Variants in DHX8 observed in about 807,000 individuals in gnomAD.
DHX8 encodes ATP-dependent RNA helicase DHX8.
In DHX8, 67 loss-of-function variants were observed where a neutral mutation model predicts 140.7. The ratio of observed to expected loss-of-function variants is 0.48; its 90% CI spans 0.39 to 0.58. DHX8 has a LOEUF of 0.58. DHX8 is among the 20% of genes least tolerant of loss of function. The pLI is 0.00. For missense variants in DHX8, 887 were observed against 1,550.7 expected (o/e 0.57, Z 7.19); for synonymous variants, 533 against 553.2 (o/e 0.96, Z 0.51).
downstream of DHX8, chr17:43,529,935 G>A (rs983237636): frequency 6.2e-7 from 1 of 1,614,042 alleles, no homozygotes; most frequent in African/African-American, 1.3e-5. Flanking sequence ...GGTCGCAGAG[G>A]TTTCTCATAG....
downstream of DHX8, chr17:43,526,594 GTT>G (rs1567702403): frequency 6.5e-7 from 1 of 1,535,656 alleles, no homozygotes; most frequent in South Asian, 1.2e-5. Flanking sequence ...CTGGTGACTT[GTT>G]AATGAACAGT....
At chr17:43,529,462 TA>T, downstream of DHX8, 1 of 1,576,268 alleles carries the variant, frequency 6.3e-7, no homozygotes, top group Non-Finnish European at 8.6e-7. Context: ...CTCCAGGCTG[TA>T]AACTTTGGAA....
In DHX8 at chr17:43,492,721, C is replaced by T. The variant is rs1968600559; in HGVS notation, c.544C>T (p.Arg182Ter). The T allele has an allele frequency of 1.1e-5, 17 of 1,610,202 alleles. No individual in the cohort carries two copies. The highest frequency in any genetic ancestry group is 1.4e-5 in the Non-Finnish European group (16 of 1,176,662). Residue 182 changes from arginine to a stop codon, truncating the protein, a stop_gained, in exon 6 of 23, where the codon CGA (arginine) becomes TGA (stop). Transcript: ENST00000262415. LOFTEE classifies it high-confidence loss of function. Reference sequence around the variant, plus strand: ...GAAGAAGCGGAGTCGAAGCCGAGATCGAAACCGAGATCGAGACAGAGATAG... The same window carrying T: ...GAAGAAGCGGAGTCGAAGCCGAGATTGAAACCGAGATCGAGACAGAGATAG... Reference protein sequence around the residue: ...KKKKRSRSRDRNRDRDRDRER... With the variant: ...KKKKRSRSRD
At chr17:43,541,017 C>T (rs1567714958) in intron 3 of DHX8, among the ~76,000 whole-genome samples, 1 of 152,110 alleles carries the variant, frequency 6.6e-6, no homozygotes, top group Non-Finnish European at 1.5e-5. Context: ...TCAGCATCAT[C>T]TTGCCTTTCT....
chr17:43,491,380 A>C (rs1008278878), intron 4 of DHX8, 130 bp downstream of exon 4: 3 of 466,018 alleles, frequency 6.4e-6, no homozygotes, highest in African/African-American at 6.0e-5. Context: ...AAAGTGTTTG[A>C]TCACTCCCTG....
chr17:43,534,466 C>T (rs1971130540), intron 2 of DHX8, among the ~76,000 whole-genome samples: 1 of 152,114 alleles, frequency 6.6e-6, no homozygotes, highest in African/African-American at 2.4e-5. Flanking sequence ...TGCACTCCAG[C>T]CTGGGTGACA....
In DHX8 at chr17:43,522,113, G is replaced by T. The variant is rs776641288; in HGVS notation, c.3330G>T (p.Gly1110=). The change falls in exon 22 of 23, where the codon GGG becomes GGT. Residue 1110 remains glycine, a synonymous_variant. Transcript: ENST00000262415. ...TVRVQKAICS[G]FFRNAAKKDP... Reference sequence around the variant, plus strand: ...GAGTGCAGAAGGCCATCTGCAGTGGGTTCTTCCGTAATGCTGCCAAGAAAG... The same window carrying T: ...GAGTGCAGAAGGCCATCTGCAGTGGTTTCTTCCGTAATGCTGCCAAGAAAG... 1 of 1,614,134 alleles carries T rather than the reference G, an allele frequency of 6.2e-7. No individual in the cohort carries two copies. Among genetic ancestry groups the T allele is most frequent in the Admixed American group, 1.7e-5 (1 of 60,008 alleles).
rs1359023439 is a variant in DHX8 at position 43,492,700 on chromosome 17, A to G, written c.523A>G (p.Lys175Glu). The G allele has an allele frequency of 1.3e-6, 2 of 1,574,832 alleles. No homozygotes were observed. The highest frequency in any genetic ancestry group is 2.7e-5 in the African/African-American group (2 of 74,218). ...TGTTAGGGACAGGACAAAGAAGAAG[A>G]AGCGGAGTCGAAGCCGAGATCGAAA... ...AEHRDRTKKK[K>E]RSRSRDRNRD... Residue 175 changes from lysine (K) to glutamate (E), a missense_variant, in exon 6 of 23, where the codon AAG becomes GAG. By Grantham distance (56) the Lys-to-Glu change is moderately conservative. Transcript: ENST00000262415.
chr17:43,533,298 G>A, intron 2 of DHX8: 1 of 1,613,910 alleles, frequency 6.2e-7, no homozygotes, highest in Non-Finnish European at 8.5e-7. Context: ...CTGTCCAAGG[G>A]CACCAGGGGC....
intron 3 of DHX8, 72 bp downstream of exon 3, chr17:43,490,535 G>C: frequency 7.7e-7 from 1 of 1,296,058 alleles, no homozygotes; most frequent in Non-Finnish European, 1.1e-6. Flanking sequence ...AATTGCATTT[G>C]TTTTCCTCTC....
chr17:43,543,498 C>T (rs1971634890), intron 3 of DHX8, among the ~76,000 whole-genome samples: 1 of 152,120 alleles, frequency 6.6e-6, no homozygotes. Flanking sequence ...GCCCTAGGAG[C>T]TGCCCACTGT....
At chr17:43,489,152 C>T (rs1013473513) in intron 1 of DHX8, among the ~76,000 whole-genome samples, 10 of 152,142 alleles carry the variant, frequency 6.6e-5, no homozygotes, top group Middle Eastern at 3.4e-3. Context: ...TTACAGGTGC[C>T]TGCCACCACA....
chr17:43,529,078 T>C, downstream of DHX8: 1 of 1,526,210 alleles, frequency 6.6e-7, no homozygotes, highest in Non-Finnish European at 9.1e-7. Flanking sequence ...CTCTCCCCAG[T>C]CAGCTTCTCA....
In DHX8 at chr17:43,508,577, C is replaced by T; in HGVS notation, c.2502+57C>T. 2 of 1,266,702 alleles carry T rather than the reference C, an allele frequency of 1.6e-6. 1 individual carries two copies. The highest frequency in any genetic ancestry group is 2.7e-5 in the South Asian group (2 of 74,776). 78.5% of individuals were successfully genotyped at this position (1,266,702 alleles called of 1,614,324 possible). ...CCCTGAAACCATGTGTTGTGTGCAG[C>T]CTGTCAGCCATAGTAGGGATTGCTT... On this transcript the variant is annotated intron_variant, in intron 16 of 22. Coordinates refer to ENST00000262415, the MANE Select transcript of DHX8 (RefSeq NM_004941.3).
intron 1 of DHX8, among the ~76,000 whole-genome samples, chr17:43,485,591 A>G (rs1968091338): frequency 6.6e-6 from 1 of 151,956 alleles, no homozygotes; most frequent in Admixed American, 6.6e-5. Context: ...TATTCAGCAA[A>G]TATTGAGCTG....
rs1264581076 is a variant in DHX8 at position 43,492,790 on chromosome 17, C to T, written c.613C>T (p.Arg205Cys). Residue 205 changes from arginine to cysteine, a missense_variant, in exon 6 of 23, where the codon CGC becomes TGC. Arg to Cys is a radical substitution (Grantham distance 180, BLOSUM62 -3). Transcript: ENST00000262415. ...AGACCACAAGCGGAGACACCGATCC[C>T]GCTCTCGATCACGTTCCAGGACCCG... ...DRDHKRRHRS[R>C]SRSRSRTRER... 32 of 1,613,980 alleles carry T rather than the reference C, an allele frequency of 2.0e-5. No individual in the cohort carries two copies. Among genetic ancestry groups the T allele is most frequent in the East Asian group, 6.7e-5 (3 of 44,896 alleles).
At chr17:43,491,894 G>A (rs574249931) in intron 4 of DHX8, among the ~76,000 whole-genome samples, 29 of 152,266 alleles carry the variant, frequency 1.9e-4, no homozygotes, top group African/African-American at 7.0e-4. Context: ...TTTAACACCT[G>A]TTTTCTATTA....
chr17:43,493,270 A>C (rs140913121), intron 6 of DHX8, among the ~76,000 whole-genome samples, 175 bp from the exon 7 acceptor site: 1 of 152,182 alleles, frequency 6.6e-6, no homozygotes, highest in African/African-American at 2.4e-5. Context: ...TTGCTTCCCC[A>C]CCCCATGTCT....
At chr17:43,501,505 CAG>C (rs1283357787) in intron 11 of DHX8, among the ~76,000 whole-genome samples, 1 of 152,102 alleles carries the variant, frequency 6.6e-6, no homozygotes, top group African/African-American at 2.4e-5. Context: ...GTTTCTGAGA[CAG>C]AGTTTTGCTC....
Sources: gnomAD v4.1 joint callset for allele counts (sites outside exome capture counted in the v4.1 genomes callset) on GRCh38, gnomAD v4.1.1 for gene constraint, MANE v1.5 for transcripts, NCBI Gene and HGNC (gene_info 2026-07-23, HGNC 2026-07-21) for gene names.